Variants in FBXL7 observed in about 807,000 individuals in gnomAD.
The protein encoded by FBXL7 is F-box/LRR-repeat protein 7.
Under a neutral mutation model 38.3 loss-of-function variants are expected in FBXL7, and 12 were observed. That is an observed-to-expected ratio of 0.31 (90% CI 0.20 to 0.51). FBXL7 has a LOEUF of 0.51. Ranked by LOEUF, FBXL7 falls within the 20% of genes least tolerant of loss-of-function variation. The pLI is 0.98. For missense variants in FBXL7, 567 were observed against 676.4 expected, an observed-to-expected ratio of 0.84 and a Z score of 1.79; for synonymous variants, 297 against 300.9, an observed-to-expected ratio of 0.99 and a Z score of 0.13.
intron 2 of FBXL7, among the ~76,000 whole-genome samples, chr5:15,869,169 G>A (rs906025478): frequency 7.9e-5 from 12 of 152,140 alleles, no homozygotes; most frequent in African/African-American, 2.9e-4. Context: ...CTAGTAAGAC[G>A]GGAGTCACAG....
intron 1 of FBXL7, among the ~76,000 whole-genome samples, chr5:15,582,935 GT>G (rs573419096): frequency 1.4e-3 from 193 of 138,542 alleles, no homozygotes; most frequent in East Asian, 5.7e-3. Context: ...CTTGGCTCAT[GT>G]TTTTTTTTTT....
intron 2 of FBXL7, among the ~76,000 whole-genome samples, chr5:15,837,464 A>G (rs919182183): frequency 1.1e-4 from 16 of 152,220 alleles, no homozygotes; most frequent in Middle Eastern, 3.2e-3. Flanking sequence ...TTTAGGCTCT[A>G]AAGAGCTAAT....
intron 2 of FBXL7, among the ~76,000 whole-genome samples, chr5:15,625,693 CA>C (rs1740791902): frequency 6.6e-6 from 1 of 151,952 alleles, no homozygotes; most frequent in Non-Finnish European, 1.5e-5. Flanking sequence ...AAACAAAAGC[CA>C]AATCAAAACT....
chr5:15,735,791 G>A (rs868547633), intron 2 of FBXL7, among the ~76,000 whole-genome samples: 17 of 152,170 alleles, frequency 1.1e-4, no homozygotes, highest in Non-Finnish European at 1.0e-4. Context: ...AAACATCATC[G>A]GAAGCTGAAC....
chr5:15,880,721 T>TTTTATATA (rs1554030839), intron 2 of FBXL7, among the ~76,000 whole-genome samples: 27 of 143,362 alleles, frequency 1.9e-4, no homozygotes, highest in African/African-American at 6.9e-4. Flanking sequence ...ATATACTATA[T>TTTTATATA]TATATATATA....
At chr5:15,831,502 T>C (rs1397487405) in intron 2 of FBXL7, among the ~76,000 whole-genome samples, 1 of 152,124 alleles carries the variant, frequency 6.6e-6, no homozygotes, top group East Asian at 1.9e-4. Context: ...GGGAAAGAGG[T>C]GTCTGTGTTT....
At chr5:15,628,153 G>A (rs927454169) in intron 2 of FBXL7, among the ~76,000 whole-genome samples, 2 of 152,162 alleles carry the variant, frequency 1.3e-5, no homozygotes, top group African/African-American at 4.8e-5. Flanking sequence ...ACTTTCTGTT[G>A]TTTATAGCGG....
At chr5:15,726,644 T>C (rs1315325365) in intron 2 of FBXL7, among the ~76,000 whole-genome samples, 1 of 151,094 alleles carries the variant, frequency 6.6e-6, no homozygotes, top group African/African-American at 2.4e-5. Flanking sequence ...TGAGCCAAGA[T>C]TGCACCACTA....
At position 15,500,359 on chromosome 5, in the gene FBXL7, G is replaced by T. The variant is rs1478348328; in HGVS notation, c.-318G>T. 6.4e-6 allele frequency: 1 copy of T among 155,490 alleles called. No individual in the cohort carries two copies. Among genetic ancestry groups the T allele is most frequent in the African/African-American group, 2.4e-5 (1 of 41,288 alleles). 9.6% of individuals were successfully genotyped at this position (155,490 alleles called of 1,614,324 possible). On this transcript the variant is annotated 5_prime_UTR_variant, in exon 1 of 4. Transcript: ENST00000504595. ...CGGGGCGGGCGGATGGGGACCCGGC[G>T]GCGGCGGCGCGGTGAGCCTCTGGGC...
Position 15,687,907 on chromosome 5 carries a change from C to T in FBXL7, c.127+71835C>T, listed in dbSNP as rs569305202. Among the ~76,000 whole-genome samples, 5 of 152,264 alleles carry T rather than the reference C, an allele frequency of 3.3e-5. No homozygotes were observed. The South Asian group carries it at 1.0e-3, about 32-fold the overall frequency. On this transcript the variant is annotated intron_variant, in intron 2 of 3. Transcript: ENST00000504595. ...GATAGTACTAAGAATTGGAGCTTTT[C>T]GAGGAACTGTTCACTATCTCAGTCA...
At chr5:15,901,066 A>T (rs1409104436) in intron 2 of FBXL7, among the ~76,000 whole-genome samples, 6 of 152,220 alleles carry the variant, frequency 3.9e-5, no homozygotes, top group South Asian at 2.1e-4. Context: ...CTAAAAATGC[A>T]TTCTTCAGTG....
At chr5:15,838,381 G>T (rs77749371) in intron 2 of FBXL7, among the ~76,000 whole-genome samples, 13 of 152,050 alleles carry the variant, frequency 8.5e-5, no homozygotes, top group Non-Finnish European at 1.5e-5. Flanking sequence ...GATGCGAGGG[G>T]TCTCTTTTAT....
chr5:15,574,375 A>C (rs1302734001), intron 1 of FBXL7, among the ~76,000 whole-genome samples: 1 of 152,238 alleles, frequency 6.6e-6, no homozygotes, highest in Non-Finnish European at 1.5e-5. Flanking sequence ...CCTAATATTC[A>C]GTGTAAGAGA....
chr5:15,650,639 C>A (rs911408052), intron 2 of FBXL7, among the ~76,000 whole-genome samples: 2 of 152,200 alleles, frequency 1.3e-5, no homozygotes, highest in African/African-American at 2.4e-5. Context: ...CCTCTTGAAC[C>A]CTGCCATGCT....
At chr5:15,808,562 C>T (rs1043354042) in intron 2 of FBXL7, among the ~76,000 whole-genome samples, 5 of 152,152 alleles carry the variant, frequency 3.3e-5, no homozygotes, top group Admixed American at 6.5e-5. Flanking sequence ...GAGTAAAAGA[C>T]AGTGACTTCT....
intron 3 of FBXL7, among the ~76,000 whole-genome samples, chr5:15,932,581 A>G (rs1410745082): frequency 1.3e-5 from 2 of 152,074 alleles, no homozygotes; most frequent in Non-Finnish European, 2.9e-5. Context: ...CCAAAAGACA[A>G]TTCTTGCCTT....
chr5:15,679,083 T>C (rs1742753206), intron 2 of FBXL7, among the ~76,000 whole-genome samples: 3 of 152,238 alleles, frequency 2.0e-5, no homozygotes, highest in Admixed American at 1.3e-4. Context: ...TTGCATTGTC[T>C]CTTTCAATTT....
intron 1 of FBXL7, among the ~76,000 whole-genome samples, chr5:15,503,485 T>G (rs928979428): frequency 6.6e-6 from 1 of 152,222 alleles, no homozygotes; most frequent in Non-Finnish European, 1.5e-5. Flanking sequence ...CCAGCAGCCA[T>G]ATTCAACCAG....
At chr5:15,593,298 T>G (rs1580391109) in intron 1 of FBXL7, among the ~76,000 whole-genome samples, 1 of 151,998 alleles carries the variant, frequency 6.6e-6, no homozygotes, top group Admixed American at 6.6e-5. Flanking sequence ...CCGAGGCAGG[T>G]GGATCACCTG....
Sources: allele counts gnomAD v4.1 joint callset (sites outside exome capture counted in the v4.1 genomes callset), GRCh38; gene constraint gnomAD v4.1.1; transcripts MANE v1.5; gene names NCBI Gene and HGNC (gene_info 2026-07-23, HGNC 2026-07-21).